SKA3: variants seen among roughly 807,000 people sequenced by gnomAD.
The protein encoded by SKA3 is spindle and kinetochore-associated protein 3.
A neutral mutation model predicts 44.2 loss-of-function variants in SKA3; 39 were observed. The observed-to-expected ratio is 0.88, with a 90% CI of 0.68 to 1.15. SKA3 has a LOEUF of 1.15. SKA3 is among the 50% of genes most tolerant of loss of function. The pLI is 0.00. For synonymous variants in SKA3, 192 were observed against 172.0 expected (o/e 1.12, Z -0.91); for missense variants, 511 against 485.8 (o/e 1.05, Z -0.49).
At chr13:21,164,395 C>T (rs1870594681) in intron 4 of SKA3, among the ~76,000 whole-genome samples, 1 of 152,090 alleles carries the variant, frequency 6.6e-6, no homozygotes, top group African/African-American at 2.4e-5. Context: ...TAATAAACAC[C>T]ACTGTGCCAA....
intron 4 of SKA3, among the ~76,000 whole-genome samples, chr13:21,164,245 T>C (rs1325290705): frequency 1.3e-5 from 2 of 152,238 alleles, no homozygotes; most frequent in Admixed American, 6.5e-5. Context: ...TATGATACAG[T>C]GGTTTAAAGT....
chr13:21,161,753 A>C (rs1870448298), intron 5 of SKA3, 37 bp downstream of exon 5: 2 of 1,511,874 alleles, frequency 1.3e-6, no homozygotes, highest in African/African-American at 1.4e-5. Context: ...AGTTTGGGAA[A>C]AATGTTCCTG....
At chr13:21,160,135 G>A in intron 5 of SKA3, 148 bp from the exon 6 acceptor site, 1 of 493,414 alleles carries the variant, frequency 2.0e-6, no homozygotes. Flanking sequence ...ATAACAAATA[G>A]TTGTGTTGTA....
intron 7 of SKA3, among the ~76,000 whole-genome samples, chr13:21,156,639 G>C (rs966936992): frequency 4.6e-5 from 7 of 152,106 alleles, no homozygotes; most frequent in Admixed American, 2.6e-4. Flanking sequence ...AGAGAAAAAA[G>C]GATAACAAGT....
chr13:21,161,764 A>G, intron 5 of SKA3, 26 bp downstream of exon 5: 1 of 1,154,146 alleles, frequency 8.7e-7, no homozygotes, highest in Non-Finnish European at 1.2e-6. Flanking sequence ...AATGTTCCTG[A>G]GAAGTAACTT....
intron 5 of SKA3, 108 bp downstream of exon 5, chr13:21,161,682 T>C: frequency 1.7e-6 from 1 of 583,106 alleles, no homozygotes; most frequent in South Asian, 4.3e-5. Flanking sequence ...TGTTAGGAAT[T>C]AAACAGATGA....
intron 7 of SKA3, among the ~76,000 whole-genome samples, chr13:21,156,431 G>T (rs1391303086): frequency 6.6e-6 from 1 of 152,086 alleles, no homozygotes; most frequent in Non-Finnish European, 1.5e-5. Flanking sequence ...AATTATGAAA[G>T]GAGAACATGA....
At chr13:21,161,929 TG>T in intron 4 of SKA3, 54 bp from the exon 5 acceptor site, 1 of 1,198,232 alleles carries the variant, frequency 8.3e-7, no homozygotes, top group Non-Finnish European at 1.1e-6. Context: ...ATTCAATCTC[TG>T]GGAAAAAAAT....
Position 21,167,341 on chromosome 13 carries a change from C to T in SKA3, c.743+647G>A, listed in dbSNP as rs1870765990. On this transcript the variant is annotated intron_variant, in intron 4 of 8. Coordinates refer to ENST00000314759, the MANE Select transcript of SKA3 (RefSeq NM_145061.6). ...AATCTTATTTCCTCTTCTATCCCTACAAATATCTTTTTTTCAGGCCCTTAT... is the reference window on the plus strand; with the variant it reads ...AATCTTATTTCCTCTTCTATCCCTATAAATATCTTTTTTTCAGGCCCTTAT... 2.0e-5 allele frequency among the ~76,000 whole-genome samples: 3 copies of T among 152,012 alleles called. No individual in the cohort carries two copies. The South Asian group carries it at 6.2e-4, about 32-fold the overall frequency.
chr13:21,158,186 T>C (rs1870240868), intron 6 of SKA3, 61 bp from the exon 7 acceptor site: 3 of 984,790 alleles, frequency 3.0e-6, no homozygotes, highest in Non-Finnish European at 4.2e-6. Flanking sequence ...TAAATAAAAA[T>C]AGTTAATCAT....
At chr13:21,166,502 G>A (rs1478387825) in intron 4 of SKA3, among the ~76,000 whole-genome samples, 2 of 152,196 alleles carry the variant, frequency 1.3e-5, no homozygotes, top group South Asian at 2.1e-4. Flanking sequence ...GGGAGGCCGA[G>A]GCAGGTGGAT....
rs369502666 is a variant in SKA3, at chr13:21,160,110, CA to C, written c.830-124del. On this transcript the variant is annotated intron_variant, in intron 5 of 8. Coordinates refer to ENST00000314759, the MANE Select transcript of SKA3 (RefSeq NM_145061.6). The stretch of plus-strand genomic sequence containing the variant: ...GCACTACTAAAATTCAGCAAGGATG[CA>C]AGAGTAATACACAATAACAAATAGT... 3.7e-5 allele frequency: 22 copies of C among 591,748 alleles called. No homozygotes were observed. The East Asian group carries it at 4.7e-4, about 13-fold the overall frequency. The allele number at this position is 591,748 out of a possible 1,614,324, so 36.7% of individuals were successfully genotyped here.
chr13:21,170,544 T>C (rs1316075310), intron 3 of SKA3, among the ~76,000 whole-genome samples: 1 of 152,204 alleles, frequency 6.6e-6, no homozygotes, highest in Non-Finnish European at 1.5e-5. Flanking sequence ...TCTAAAGTTT[T>C]ATATTTTGAT....
At chr13:21,175,522 C>T (rs1466951015) in intron 1 of SKA3, among the ~76,000 whole-genome samples, 1 of 152,138 alleles carries the variant, frequency 6.6e-6, no homozygotes, top group Non-Finnish European at 1.5e-5. Flanking sequence ...GTGATCCGCC[C>T]GCCTCAGCCT....
In SKA3 at chr13:21,172,616, A is replaced by ATTAAAGG. The variant is rs1475050324; in HGVS notation, c.165+3_165+4insCCTTTAA. On this transcript the variant is annotated splice_donor_region_variant and intron_variant, in intron 2 of 8. Transcript: ENST00000314759. ...ATAATAAATCAATATTGTAGGAGTG[A>ATTAAAGG]TACCTTTAGAGTCTGAACTTCTGAA... The ATTAAAGG allele has an allele frequency of 1.3e-6, 2 of 1,535,980 alleles. No individual in the cohort carries two copies. The highest frequency in any genetic ancestry group is 1.8e-6 in the Non-Finnish European group (2 of 1,141,296).
intron 4 of SKA3, among the ~76,000 whole-genome samples, chr13:21,165,732 C>G (rs1870673070): frequency 6.6e-6 from 1 of 151,978 alleles, no homozygotes; most frequent in East Asian, 1.9e-4. Context: ...CCCAGGAGTT[C>G]AAGAGCAGTC....
rs749578426 is a variant in SKA3 at position 21,155,799 on chromosome 13, A to G, written c.1132T>C (p.Tyr378His). 9 of 1,499,116 alleles carry G rather than the reference A, an allele frequency of 6.0e-6. No individual in the cohort carries two copies. In the East Asian group the frequency reaches 2.1e-4, roughly 34 times the overall value. The allele number at this position is 1,499,116 out of a possible 1,614,324, so 92.9% of individuals were successfully genotyped here. Residue 378 changes from tyrosine to histidine, a missense_variant, in exon 8 of 9, where the codon TAC (tyrosine) becomes CAC (histidine). Physicochemically the swap from Tyr to His is moderately conservative, Grantham distance 83. Coordinates refer to ENST00000314759, the MANE Select transcript of SKA3 (RefSeq NM_145061.6). Reference protein sequence around the residue: ...PEDILQLLSKYNSNLATPIAI... With the variant: ...PEDILQLLSKHNSNLATPIAI... ...ATTGGAGTAGCTAGGTTTGAGTTGT[A>G]TTTTGATAAAAGCTAAAAAAAAAAA...
intron 1 of SKA3, among the ~76,000 whole-genome samples, chr13:21,174,516 G>A (rs149968404): frequency 0.051 from 7,769 of 152,118 alleles, 280 homozygotes; most frequent in Non-Finnish European, 0.076. Flanking sequence ...TCACTCATAG[G>A]TGGGAATTGA....
chr13:21,175,425 C>T (rs915674071), intron 1 of SKA3, among the ~76,000 whole-genome samples: 4 of 151,852 alleles, frequency 2.6e-5, no homozygotes, highest in Admixed American at 2.6e-4. Context: ...TACCGGCGCC[C>T]GCCACCACGC....
Sources: allele counts gnomAD v4.1 joint callset (sites outside exome capture counted in the v4.1 genomes callset), GRCh38; gene constraint gnomAD v4.1.1; transcripts MANE v1.5; gene names NCBI Gene and HGNC (gene_info 2026-07-23, HGNC 2026-07-21).